The following COL26A1 variants were observed in gnomAD, a reference collection of about 807,000 sequenced individuals.
The protein encoded by COL26A1 is collagen type XXVI alpha 1 chain, also known as collagen alpha-1(XXVI) chain.
In COL26A1, 41 loss-of-function variants were observed where a neutral mutation model predicts 59.3. That is an observed-to-expected ratio of 0.69 (90% CI 0.54 to 0.90). COL26A1 has a LOEUF of 0.90. Among genes scored for constraint, COL26A1 ranks in the 40% least tolerant of loss-of-function variants. COL26A1 has a pLI of 0.00. For synonymous variants in COL26A1, 266 were observed against 256.0 expected, an observed-to-expected ratio of 1.04 and a Z score of -0.37; for missense variants, 612 against 602.3, an observed-to-expected ratio of 1.02 and a Z score of -0.17.
chr7:101,363,222 T>TGGGGGGGG, intron 1 of COL26A1, 32 bp downstream of exon 1: 1 of 356,780 alleles, frequency 2.8e-6, no homozygotes, highest in Non-Finnish European at 4.1e-6. Context: ...GGCCGGGGGG[T>TGGGGGGGG]GGGGGGAGGG....
At chr7:101,479,649 A>T (rs1794116210) in intron 3 of COL26A1, among the ~76,000 whole-genome samples, 1 of 152,200 alleles carries the variant, frequency 6.6e-6, no homozygotes, top group Admixed American at 6.6e-5. Flanking sequence ...AATCCTTGAT[A>T]CATGAGGATC....
At chr7:101,428,780 T>C (rs1792707532) in intron 2 of COL26A1, among the ~76,000 whole-genome samples, 1 of 152,008 alleles carries the variant, frequency 6.6e-6, no homozygotes, top group South Asian at 2.1e-4. Context: ...AGTGTGAAGA[T>C]TACAGGCATG....
At chr7:101,494,022 T>C (rs1038776285) in intron 3 of COL26A1, among the ~76,000 whole-genome samples, 1 of 151,962 alleles carries the variant, frequency 6.6e-6, no homozygotes, top group African/African-American at 2.4e-5. Context: ...ACTTTCAGAA[T>C]GTTGGAGTAG....
chr7:101,539,278 CTGTGTGTGTGTGTGTA>C (rs1795551724), intron 4 of COL26A1, among the ~76,000 whole-genome samples: 1 of 142,324 alleles, frequency 7.0e-6, no homozygotes, highest in East Asian at 2.0e-4. Context: ...CCTTTTCTGT[CTGTGTGTGTGTGTGTA>C]TGTGTGTGTG....
intron 3 of COL26A1, among the ~76,000 whole-genome samples, chr7:101,526,117 C>T (rs937306316): frequency 6.6e-6 from 1 of 151,012 alleles, no homozygotes; most frequent in Non-Finnish European, 1.5e-5. Flanking sequence ...GGCGTGATCT[C>T]GGCTCACTGC....
At position 101,386,003 on chromosome 7, in the gene COL26A1, G is replaced by A. The variant is rs1322613009; in HGVS notation, c.158+22813G>A. ...TGGGATTACAGGCGTGAGCCACCGC[G>A]CCCGGCCACAATTTTTATATGTTGG... On this transcript the variant is annotated intron_variant, in intron 1 of 12. Transcript: ENST00000313669. Among the ~76,000 whole-genome samples the A allele has an allele frequency of 2.6e-5, 4 of 152,256 alleles. No homozygotes were observed. In the South Asian group the frequency reaches 6.2e-4, roughly 24 times the overall value.
At chr7:101,421,988 G>A (rs976957714) in intron 2 of COL26A1, among the ~76,000 whole-genome samples, 3 of 152,106 alleles carry the variant, frequency 2.0e-5, no homozygotes, top group Non-Finnish European at 2.9e-5. Context: ...CTAGGTAAAC[G>A]GAATGTCATT....
Position 101,557,755 on chromosome 7 carries a change from A to T in COL26A1, c.*225A>T. 2 of 461,786 alleles carry T rather than the reference A, an allele frequency of 4.3e-6. No homozygotes were observed. Among genetic ancestry groups the T allele is most frequent in the African/African-American group, 3.9e-5 (2 of 50,920 alleles). The allele number at this position is 461,786 out of a possible 1,614,324, so 28.6% of individuals were successfully genotyped here. ...CTGGCCTGTCCCCTCCCCTACCCCC[A>T]CTCCCGGCTGGAGACGGGGTCTGGG... is the stretch of plus-strand genomic sequence containing the variant. On this transcript the variant is annotated 3_prime_UTR_variant, in exon 13 of 13. Transcript: ENST00000313669.
At chr7:101,390,045 C>T (rs1216261098) in intron 1 of COL26A1, among the ~76,000 whole-genome samples, 1 of 151,320 alleles carries the variant, frequency 6.6e-6, no homozygotes, top group Non-Finnish European at 1.5e-5. Context: ...TTTTTTTCTC[C>T]TGTTGGCTGG....
At chr7:101,467,402 G>C (rs187631657) in intron 3 of COL26A1, among the ~76,000 whole-genome samples, 1 of 146,626 alleles carries the variant, frequency 6.8e-6, no homozygotes, top group South Asian at 2.1e-4. Flanking sequence ...AGCCTGAAGA[G>C]GCAGAGTCTG....
intron 3 of COL26A1, among the ~76,000 whole-genome samples, chr7:101,488,735 C>T (rs1005761413): frequency 2.0e-5 from 3 of 152,124 alleles, no homozygotes; most frequent in Admixed American, 6.5e-5. Flanking sequence ...TGTCGTCCAG[C>T]CATCTCCACT....
At chr7:101,387,226 T>G (rs1791598872) in intron 1 of COL26A1, among the ~76,000 whole-genome samples, 1 of 151,850 alleles carries the variant, frequency 6.6e-6, no homozygotes, top group Admixed American at 6.6e-5. Flanking sequence ...TCTCCAAGAA[T>G]TATGAGAAGA....
At position 101,551,144 on chromosome 7, in the gene COL26A1, G is replaced by C. The variant is rs771111828; in HGVS notation, c.1029+1G>C. 2.0e-6 allele frequency: 3 copies of C among 1,481,330 alleles called. No individual in the cohort carries two copies. The highest frequency in any genetic ancestry group is 1.2e-5 in the South Asian group (1 of 83,216). The allele number at this position is 1,481,330 out of a possible 1,614,324, so 91.8% of individuals were successfully genotyped here. A position where few individuals can be genotyped will look rare whatever the true frequency, so the allele number is the denominator to read the frequency against. ...AGAGCGAGGCACAGTGGGGCCGTCC[G>C]TAAGTGTGGGCTGTGCAGATGGGCC... On this transcript the variant is annotated splice_donor_variant, in intron 10 of 12. Coordinates refer to ENST00000313669, the MANE Select transcript of COL26A1 (RefSeq NM_001278563.3). LOFTEE classifies it high-confidence loss of function.
intron 2 of COL26A1, among the ~76,000 whole-genome samples, chr7:101,441,616 C>T (rs1399371266): frequency 6.6e-6 from 1 of 152,194 alleles, no homozygotes; most frequent in Non-Finnish European, 1.5e-5. Context: ...CCGTGCCCGG[C>T]CTATCATACC....
At chr7:101,363,257 C>G (rs1446737960) in intron 1 of COL26A1, 67 bp downstream of exon 1, 10 of 1,258,566 alleles carry the variant, frequency 7.9e-6, no homozygotes, top group Non-Finnish European at 1.0e-5. Flanking sequence ...GCCCTGGCCA[C>G]TGGGTGGCTG....
At chr7:101,494,998 G>A (rs189542074) in intron 3 of COL26A1, among the ~76,000 whole-genome samples, 27 of 152,272 alleles carry the variant, frequency 1.8e-4, no homozygotes, top group African/African-American at 6.5e-4. Flanking sequence ...CCCTCCCCCT[G>A]GCGAAAGGCA....
At chr7:101,424,466 T>A (rs1792596996) in intron 2 of COL26A1, among the ~76,000 whole-genome samples, 1 of 151,680 alleles carries the variant, frequency 6.6e-6, no homozygotes, top group Admixed American at 6.6e-5. Flanking sequence ...GGTGTGATGA[T>A]GCACACCTGT....
intron 1 of COL26A1, among the ~76,000 whole-genome samples, chr7:101,390,254 C>G (rs1451010387): frequency 6.9e-6 from 1 of 144,442 alleles, no homozygotes; most frequent in Non-Finnish European, 1.5e-5. Context: ...CTTCTGGGTT[C>G]AAGCGATTCT....
intron 3 of COL26A1, among the ~76,000 whole-genome samples, chr7:101,521,392 C>G (rs1035462991): frequency 6.6e-6 from 1 of 152,114 alleles, no homozygotes; most frequent in Admixed American, 6.6e-5. Context: ...TGATCCCATC[C>G]AGGGTGCTAA....
Sources: gnomAD v4.1 joint callset for allele counts (sites outside exome capture counted in the v4.1 genomes callset) on GRCh38, gnomAD v4.1.1 for gene constraint, MANE v1.5 for transcripts, NCBI Gene and HGNC (gene_info 2026-07-23, HGNC 2026-07-21) for gene names.